The following MAML3 variants were observed in gnomAD, a reference collection of about 807,000 sequenced individuals.
MAML3 encodes mastermind like transcriptional coactivator 3, also known as mastermind-like protein 3.
Under a neutral mutation model 101.9 loss-of-function variants are expected in MAML3, and 27 were observed. The observed-to-expected ratio is 0.27, with a 90% CI of 0.20 to 0.37. The LOEUF (loss-of-function observed/expected upper bound fraction) is 0.37, where lower values mean the gene tolerates loss of function less well. Ranked by LOEUF, MAML3 falls within the 10% of genes least tolerant of loss-of-function variation. The probability of loss-of-function intolerance (pLI) is 1.00; values close to 1 mark genes in which losing one functional copy is unlikely to be tolerated. For missense variants in MAML3, 1,316 were observed against 1,444.9 expected, an observed-to-expected ratio of 0.91 and a Z score of 1.45; for synonymous variants, 501 against 555.9, an observed-to-expected ratio of 0.90 and a Z score of 1.39.
At chr4:140,027,553 C>G (rs1480879409) in intron 1 of MAML3, among the ~76,000 whole-genome samples, 2 of 152,184 alleles carry the variant, frequency 1.3e-5, no homozygotes, top group Non-Finnish European at 2.9e-5. Context: ...CTTCAAGTTG[C>G]CCTCTGCCCT....
chr4:140,060,830 T>C (rs982472788), intron 1 of MAML3, among the ~76,000 whole-genome samples: 4 of 152,314 alleles, frequency 2.6e-5, no homozygotes, highest in Non-Finnish European at 2.9e-5. Context: ...AATTACGATA[T>C]TAATATAACA....
chr4:140,031,888 G>C (rs1321052659), intron 1 of MAML3, among the ~76,000 whole-genome samples: 1 of 152,068 alleles, frequency 6.6e-6, no homozygotes, highest in Non-Finnish European at 1.5e-5. Flanking sequence ...ATTCTCCTAC[G>C]TTTCTATTTC....
intron 2 of MAML3, among the ~76,000 whole-genome samples, chr4:139,737,065 C>T (rs2111010932): frequency 6.6e-6 from 1 of 152,260 alleles, no homozygotes; most frequent in East Asian, 1.9e-4. Flanking sequence ...GCTGTGGAGG[C>T]TGAGGAGCAT....
chr4:139,833,081 C>T (rs1252704236), intron 2 of MAML3, among the ~76,000 whole-genome samples: 1 of 152,212 alleles, frequency 6.6e-6, no homozygotes, highest in Non-Finnish European at 1.5e-5. Flanking sequence ...ATGACTACAT[C>T]GATAAACGGA....
intron 1 of MAML3, among the ~76,000 whole-genome samples, chr4:140,129,381 C>G (rs72935793): frequency 6.6e-6 from 1 of 151,514 alleles, no homozygotes; most frequent in African/African-American, 2.4e-5. Flanking sequence ...GACTCTAAAT[C>G]CCCCCTACCC....
chr4:139,829,695 T>C (rs1731127809), intron 2 of MAML3, among the ~76,000 whole-genome samples: 1 of 152,238 alleles, frequency 6.6e-6, no homozygotes, highest in Non-Finnish European at 1.5e-5. Flanking sequence ...TGCTAACTGC[T>C]CTTGTGCTGT....
chr4:140,100,757 T>C (rs1728240896), intron 1 of MAML3, among the ~76,000 whole-genome samples: 1 of 152,290 alleles, frequency 6.6e-6, no homozygotes, highest in East Asian at 1.9e-4. Flanking sequence ...GACAGATGTG[T>C]CTATTCCACA....
rs1206602379 is a variant in MAML3 at position 139,889,361 on chromosome 4, C to A, written c.2075G>T (p.Gly692Val). Residue 692 changes from glycine to valine, a missense_variant, in exon 2 of 5, where the codon GGT (glycine) becomes GTT (valine). Transcript: ENST00000509479. ...PMAYAALPSH[G>V]QEQHPVGLPR... The stretch of plus-strand genomic sequence containing the variant: ...GTGTGTCACTTTCACACTTACCTGA[C>A]CGTGGGATGGAAGTGCAGCGTAAGC... 4 of 1,614,028 alleles carry A rather than the reference C, an allele frequency of 2.5e-6. No individual in the cohort carries two copies. Among genetic ancestry groups the A allele is most frequent in the Non-Finnish European group, 2.5e-6 (3 of 1,179,902 alleles).
chr4:139,936,632 G>A (rs1434889176), intron 1 of MAML3, among the ~76,000 whole-genome samples: 1 of 152,108 alleles, frequency 6.6e-6, no homozygotes, highest in Non-Finnish European at 1.5e-5. Context: ...AGGAGTTCAA[G>A]GCTGCAATGT....
intron 2 of MAML3, among the ~76,000 whole-genome samples, chr4:139,807,122 C>A (rs1183839656): frequency 6.6e-6 from 1 of 152,202 alleles, no homozygotes; most frequent in Non-Finnish European, 1.5e-5. Flanking sequence ...CACCTGGCTT[C>A]TATTCCAGTT....
chr4:139,850,005 T>C (rs914171002), intron 2 of MAML3, among the ~76,000 whole-genome samples: 4 of 152,208 alleles, frequency 2.6e-5, no homozygotes, highest in African/African-American at 7.2e-5. Context: ...TTACATGAGA[T>C]TTACAGACAA....
chr4:139,730,862 C>A, intron 2 of MAML3, 195 bp from the exon 3 acceptor site: 1 of 601,704 alleles, frequency 1.7e-6, no homozygotes. Flanking sequence ...AGAGAGGCCA[C>A]AAGGGACAGT....
intron 2 of MAML3, among the ~76,000 whole-genome samples, chr4:139,840,312 G>A (rs1305619089): frequency 6.6e-6 from 1 of 152,242 alleles, no homozygotes; most frequent in Non-Finnish European, 1.5e-5. Context: ...TTCCAGGCCA[G>A]GTGGACAACA....
At chr4:139,918,787 G>T (rs1466636667) in intron 1 of MAML3, among the ~76,000 whole-genome samples, 1 of 152,068 alleles carries the variant, frequency 6.6e-6, no homozygotes, top group African/African-American at 2.4e-5. Context: ...TTTCTGTCCG[G>T]CATAGTAGGT....
At chr4:140,062,877 A>C (rs1241030116) in intron 1 of MAML3, among the ~76,000 whole-genome samples, 1 of 152,236 alleles carries the variant, frequency 6.6e-6, no homozygotes, top group Non-Finnish European at 1.5e-5. Flanking sequence ...ACTCATCAGG[A>C]GAAGAGGTTG....
intron 1 of MAML3, among the ~76,000 whole-genome samples, chr4:140,149,980 C>G (rs542579310): frequency 1.5e-5 from 2 of 129,898 alleles, no homozygotes; most frequent in South Asian, 2.5e-4. Context: ...TTACTTGCAA[C>G]TCTGCTTAAG....
intron 1 of MAML3, among the ~76,000 whole-genome samples, chr4:140,128,425 C>T (rs1195843369): frequency 6.6e-6 from 1 of 152,158 alleles, no homozygotes. Flanking sequence ...CCTGCAATAT[C>T]CAAAGTACTA....
chr4:139,864,923 C>CTTGTTTTTTTTTTTTTTTT (rs56928318), intron 2 of MAML3, among the ~76,000 whole-genome samples: 3 of 62,456 alleles, frequency 4.8e-5, no homozygotes, highest in Admixed American at 2.4e-4. Flanking sequence ...TGCAAACTTG[C>CTTGTTTTTTTTTTTTTTTT]TTTTTTTTTT....
chr4:139,956,850 T>C (rs367813746), intron 1 of MAML3, among the ~76,000 whole-genome samples: 1 of 152,374 alleles, frequency 6.6e-6, no homozygotes, highest in East Asian at 1.9e-4. Context: ...CGAGACACTC[T>C]GCTTCGAACC....
Sources: gnomAD v4.1 joint callset for allele counts (sites outside exome capture counted in the v4.1 genomes callset) on GRCh38, gnomAD v4.1.1 for gene constraint, MANE v1.5 for transcripts, NCBI Gene and HGNC (gene_info 2026-07-23, HGNC 2026-07-21) for gene names.